Variants in CREBBP observed in about 807,000 individuals in gnomAD.
The protein encoded by CREBBP is CREB-binding protein.
A neutral mutation model predicts 265.0 loss-of-function variants in CREBBP; 19 were observed. The ratio of observed to expected loss-of-function variants is 0.07; its 90% CI spans 0.05 to 0.11. CREBBP has a LOEUF of 0.11. Ranked by LOEUF, CREBBP falls within the 10% of genes least tolerant of loss-of-function variation. The pLI is 1.00. For synonymous variants in CREBBP, 1,457 were observed against 1,223.7 expected (o/e 1.19, Z -3.98); for missense variants, 2,525 against 3,219.0 (o/e 0.78, Z 5.22).
intron 1 of CREBBP, among the ~76,000 whole-genome samples, chr16:3,853,314 T>C (rs1334595644): frequency 6.6e-6 from 1 of 152,214 alleles, no homozygotes; most frequent in Non-Finnish European, 1.5e-5. Flanking sequence ...GGCTGTATAA[T>C]ACTTTAAAAC....
In CREBBP at chr16:3,727,727, C is replaced by T. The variant is rs1245819305; in HGVS notation, c.7320G>A (p.Glu2440=). The T allele has an allele frequency of 1.2e-6, 2 of 1,614,120 alleles. No homozygotes were observed. The highest frequency in any genetic ancestry group is 1.7e-6 in the Non-Finnish European group (2 of 1,180,044). ...TTGDTLEKFV[E]GL is the part of the protein sequence containing the mutation. Reference sequence around the variant, plus strand: ...TGATGCTCTCACAATGCTACAAGCCCTCCACAAACTTCTCTAGCGTGTCCC... The same window carrying T: ...TGATGCTCTCACAATGCTACAAGCCTTCCACAAACTTCTCTAGCGTGTCCC... The change falls in exon 31 of 31, where the codon GAG becomes GAA. Residue 2440 remains glutamate (E), a synonymous_variant. Coordinates refer to ENST00000262367, the MANE Select transcript of CREBBP (RefSeq NM_004380.3).
intron 1 of CREBBP, among the ~76,000 whole-genome samples, chr16:3,879,489 C>G (rs2055476422): frequency 6.6e-6 from 1 of 152,242 alleles, no homozygotes; most frequent in Admixed American, 6.5e-5. Flanking sequence ...TGGACGGCCA[C>G]GCGTGTGGAC....
intron 1 of CREBBP, among the ~76,000 whole-genome samples, chr16:3,879,375 G>A (rs2055473611): frequency 6.6e-6 from 1 of 152,194 alleles, no homozygotes; most frequent in Non-Finnish European, 1.5e-5. Flanking sequence ...TCCTCTGAAT[G>A]CAGCCTGGTC....
chr16:3,842,481 G>A (rs892981935), intron 2 of CREBBP, among the ~76,000 whole-genome samples: 3 of 152,076 alleles, frequency 2.0e-5, no homozygotes, highest in African/African-American at 7.2e-5. Context: ...CCCCTCATAA[G>A]ACGAAATGTT....
At chr16:3,785,791 C>T (rs944873423) in intron 5 of CREBBP, among the ~76,000 whole-genome samples, 9 of 152,174 alleles carry the variant, frequency 5.9e-5, no homozygotes, top group African/African-American at 1.4e-4. Context: ...CTTTTTTCCT[C>T]GCTAGAGCAT....
intron 13 of CREBBP, among the ~76,000 whole-genome samples, chr16:3,772,915 C>CAAAAAA (rs144154476): frequency 4.5e-5 from 4 of 88,838 alleles, no homozygotes; most frequent in Non-Finnish European, 6.4e-5. Context: ...ACTAAAAATA[C>CAAAAAA]AAAAAAAAAA....
At chr16:3,760,756 C>T (rs1458480414) in intron 16 of CREBBP, among the ~76,000 whole-genome samples, 1 of 152,064 alleles carries the variant, frequency 6.6e-6, no homozygotes, top group Non-Finnish European at 1.5e-5. Context: ...CTCCAACGCC[C>T]AGGCTGGAGG....
chr16:3,751,040 C>T (rs2052460779), intron 20 of CREBBP, among the ~76,000 whole-genome samples: 1 of 151,808 alleles, frequency 6.6e-6, no homozygotes, highest in Admixed American at 6.6e-5. Context: ...TGGGTAACAA[C>T]AGTGAGACCC....
chr16:3,738,770 G>GAGCAAGACCCTGTCTAAAAA, intron 25 of CREBBP, 98 bp from the exon 26 acceptor site: 1 of 815,264 alleles, frequency 1.2e-6, no homozygotes, highest in African/African-American at 1.7e-5. Flanking sequence ...TTTTTAGACA[G>GAGCAAGACCCTGTCTAAAAA]GGTCTTGCTC....
intron 3 of CREBBP, among the ~76,000 whole-genome samples, chr16:3,793,918 A>G (rs886382953): frequency 1.3e-5 from 2 of 152,192 alleles, no homozygotes; most frequent in African/African-American, 4.8e-5. Context: ...TACAATATAC[A>G]CAACTACAGG....
chr16:3,781,170 T>C (rs1273091881), intron 7 of CREBBP, 34 bp downstream of exon 7: 1 of 1,567,132 alleles, frequency 6.4e-7, no homozygotes, highest in Non-Finnish European at 8.8e-7. Context: ...ATGCTCCTGT[T>C]GGACTGTCAC....
In CREBBP at chr16:3,727,378, G is replaced by T; in HGVS notation, c.*340C>A. 1 of 285,972 alleles carries T rather than the reference G, an allele frequency of 3.5e-6. No individual in the cohort carries two copies. Among genetic ancestry groups the T allele is most frequent in the Non-Finnish European group, 6.6e-6 (1 of 151,358 alleles). 17.7% of individuals were successfully genotyped at this position (285,972 alleles called of 1,614,324 possible). The stretch of plus-strand genomic sequence containing the variant: ...TACAAATAAAAAATATGAATATAAT[G>T]AACTTGTTTTTCCCGTTAAAAAAAG... On this transcript the variant is annotated 3_prime_UTR_variant, in exon 31 of 31. Coordinates refer to ENST00000262367, the MANE Select transcript of CREBBP (RefSeq NM_004380.3).
intron 28 of CREBBP, among the ~76,000 whole-genome samples, chr16:3,734,884 G>GT (rs1184974568): frequency 6.6e-6 from 1 of 152,182 alleles, no homozygotes; most frequent in Non-Finnish European, 1.5e-5. Context: ...CAGAGTGGCA[G>GT]TATGTCCCCA....
At chr16:3,784,149 T>G (rs1455951654) in intron 5 of CREBBP, among the ~76,000 whole-genome samples, 1 of 152,192 alleles carries the variant, frequency 6.6e-6, no homozygotes, top group Admixed American at 6.5e-5. Flanking sequence ...CCACAAAGCC[T>G]TTCTTTCAAA....
chr16:3,854,006 C>A (rs1347205546), intron 1 of CREBBP, among the ~76,000 whole-genome samples: 1 of 152,016 alleles, frequency 6.6e-6, no homozygotes, highest in African/African-American at 2.4e-5. Flanking sequence ...AAAATTAAAA[C>A]CTTTTTTCTG....
At chr16:3,835,261 AT>A (rs149484322) in intron 2 of CREBBP, among the ~76,000 whole-genome samples, 3,843 of 150,992 alleles carry the variant, frequency 0.025, 161 homozygotes, top group East Asian at 0.18. Flanking sequence ...AGGTACAGGG[AT>A]TTTTTTTTTC....
intron 9 of CREBBP, 126 bp from the exon 10 acceptor site, chr16:3,778,308 C>G: frequency 1.3e-6 from 1 of 753,618 alleles, no homozygotes; most frequent in Non-Finnish European, 2.2e-6. Context: ...TATGCAAATA[C>G]CTGATACACC....
intron 19 of CREBBP, among the ~76,000 whole-genome samples, chr16:3,752,228 C>A (rs149610644): frequency 6.6e-6 from 1 of 152,268 alleles, no homozygotes; most frequent in African/African-American, 2.4e-5. Flanking sequence ...TTTGTTCTTA[C>A]TCAGAGAAAG....
chr16:3,769,027 T>G, intron 15 of CREBBP, 147 bp downstream of exon 15: 1 of 881,664 alleles, frequency 1.1e-6, no homozygotes, highest in Non-Finnish European at 1.8e-6. Flanking sequence ...TCAATCAATT[T>G]CCTATACACC....
Sources: gnomAD v4.1 joint callset for allele counts (sites outside exome capture counted in the v4.1 genomes callset) on GRCh38, gnomAD v4.1.1 for gene constraint, MANE v1.5 for transcripts, NCBI Gene and HGNC (gene_info 2026-07-23, HGNC 2026-07-21) for gene names.